Variants in LRBA observed in about 807,000 individuals in gnomAD.
LRBA encodes the protein lipopolysaccharide-responsive and beige-like anchor protein.
A neutral mutation model predicts 330.0 loss-of-function variants in LRBA; 176 were observed. The ratio of observed to expected loss-of-function variants is 0.53; its 90% CI spans 0.47 to 0.60. The LOEUF (loss-of-function observed/expected upper bound fraction) is 0.60. Among genes scored for constraint, LRBA ranks in the 20% least tolerant of loss-of-function variants. LRBA has a pLI of 0.00. For synonymous variants in LRBA, 1,230 were observed against 1,193.0 expected, an observed-to-expected ratio of 1.03 and a Z score of -0.64; for missense variants, 3,259 against 3,444.8, an observed-to-expected ratio of 0.95 and a Z score of 1.35.
At chr4:150,589,682 T>C in intron 39 of LRBA, among the ~76,000 whole-genome samples, 1 of 152,152 alleles carries the variant, frequency 6.6e-6, no homozygotes, top group East Asian at 1.9e-4. Flanking sequence ...ACCACTTTAT[T>C]AGTGTGGATT....
At chr4:150,985,044 G>A (rs893823159) in intron 2 of LRBA, among the ~76,000 whole-genome samples, 4 of 152,098 alleles carry the variant, frequency 2.6e-5, no homozygotes, top group African/African-American at 7.2e-5. Flanking sequence ...GATCACCTAA[G>A]GTAGGGAGTT....
chr4:150,897,937 C>A, intron 14 of LRBA, 119 bp from the exon 15 acceptor site: 1 of 675,874 alleles, frequency 1.5e-6, no homozygotes, highest in Non-Finnish European at 2.6e-6. Flanking sequence ...AAAGGTAGGT[C>A]TCCTACAGAA....
At position 150,576,164 on chromosome 4, in the gene LRBA, T is replaced by TAAAA. The variant is rs33976355; in HGVS notation, c.6330+11880_6330+11883dup. On this transcript the variant is annotated intron_variant, in intron 40 of 56. Coordinates refer to ENST00000651943, the MANE Select transcript of LRBA (RefSeq NM_001364905.1). The stretch of plus-strand genomic sequence containing the variant: ...ACATTAATAAGTTCAAACTGGTTTT[T>TAAAA]AAAAAAAAAAAAAGGAGGAGGGGAG... Among the ~76,000 whole-genome samples the TAAAA allele has an allele frequency of 6.3e-5, 9 of 142,830 alleles. No homozygotes were observed. The South Asian group carries it at 6.6e-4, about 10-fold the overall frequency. The allele number at this position is 142,830 out of a possible 152,430, so 93.7% of individuals were successfully genotyped here. A position where few individuals can be genotyped will look rare whatever the true frequency, so the allele number is the denominator to read the frequency against.
chr4:150,702,406 G>A (rs1054554562), intron 36 of LRBA, among the ~76,000 whole-genome samples: 6 of 152,104 alleles, frequency 3.9e-5, no homozygotes, highest in Admixed American at 6.6e-5. Flanking sequence ...AATATTCAAG[G>A]TGTAGTTTCA....
At chr4:150,835,973 C>A (rs1213627750) in intron 28 of LRBA, among the ~76,000 whole-genome samples, 1 of 152,120 alleles carries the variant, frequency 6.6e-6, no homozygotes, top group African/African-American at 2.4e-5. Flanking sequence ...GAGATACGTC[C>A]CATCAATACC....
At chr4:150,735,452 A>G in intron 35 of LRBA, 86 bp from the exon 36 acceptor site, 1 of 852,216 alleles carries the variant, frequency 1.2e-6, no homozygotes, top group African/African-American at 1.7e-5. Context: ...GAGAGGAAGG[A>G]ATACTTACTT....
At chr4:150,858,148 T>C (rs1751444611) in intron 22 of LRBA, among the ~76,000 whole-genome samples, 1 of 152,290 alleles carries the variant, frequency 6.6e-6, no homozygotes, top group Admixed American at 6.5e-5. Flanking sequence ...TATTATTATT[T>C]TAAATTTTTT....
chr4:150,875,913 AT>A (rs1186840933), intron 17 of LRBA, among the ~76,000 whole-genome samples: 1 of 152,208 alleles, frequency 6.6e-6, no homozygotes, highest in Non-Finnish European at 1.5e-5. Context: ...GAATTGACAA[AT>A]AAATAATTCA....
rs1479058713 is a variant in LRBA at position 150,604,702 on chromosome 4, A to G, written c.5922-5571T>C. 2.6e-5 allele frequency among the ~76,000 whole-genome samples: 4 copies of G among 152,092 alleles called. No individual in the cohort carries two copies. In the East Asian group the frequency reaches 7.7e-4, roughly 29 times the overall value. On this transcript the variant is annotated intron_variant, in intron 37 of 56. Transcript: ENST00000651943. ...TCCAGGGGGCACTTTTCACATCAAAATTTTTGTAAATAACATGCCCTGGAG... is the reference window on the plus strand; with the variant it reads ...TCCAGGGGGCACTTTTCACATCAAAGTTTTTGTAAATAACATGCCCTGGAG...
At chr4:150,617,968 A>G (rs934880050) in intron 37 of LRBA, among the ~76,000 whole-genome samples, 4 of 151,924 alleles carry the variant, frequency 2.6e-5, no homozygotes, top group Non-Finnish European at 5.9e-5. Flanking sequence ...GCTGAGTGAG[A>G]TGGTGCGAGC....
chr4:150,724,682 T>C (rs912216691), intron 36 of LRBA, among the ~76,000 whole-genome samples: 1 of 151,692 alleles, frequency 6.6e-6, no homozygotes, highest in African/African-American at 2.4e-5. Context: ...AAATTCAAGA[T>C]AACACAGAGA....
chr4:150,641,228 T>C (rs1289702721), intron 37 of LRBA, among the ~76,000 whole-genome samples: 1 of 152,200 alleles, frequency 6.6e-6, no homozygotes, highest in African/African-American at 2.4e-5. Context: ...AACATTCCCA[T>C]GAATCCTCAA....
chr4:150,507,979 C>G (rs1429730053), intron 40 of LRBA, among the ~76,000 whole-genome samples: 4 of 146,372 alleles, frequency 2.7e-5, no homozygotes, highest in African/African-American at 7.6e-5. Flanking sequence ...TTGCCAAGGA[C>G]AAAAAACCAA....
intron 22 of LRBA, among the ~76,000 whole-genome samples, chr4:150,866,491 T>C (rs1279741681): frequency 6.6e-6 from 1 of 152,172 alleles, no homozygotes; most frequent in Admixed American, 6.6e-5. Flanking sequence ...CCATACCACG[T>C]GATTAGGTGA....
At chr4:150,774,763 C>G (rs1737041401) in intron 34 of LRBA, among the ~76,000 whole-genome samples, 1 of 152,180 alleles carries the variant, frequency 6.6e-6, no homozygotes, top group Non-Finnish European at 1.5e-5. Flanking sequence ...GGGGACCCAG[C>G]TTCCCCTTCC....
intron 35 of LRBA, among the ~76,000 whole-genome samples, chr4:150,736,966 C>CACT (rs1253707448): frequency 7.2e-5 from 11 of 152,144 alleles, no homozygotes; most frequent in Non-Finnish European, 4.4e-5. Context: ...GTAATCCCAG[C>CACT]ACTTTGGGAG....
At chr4:150,689,369 T>G (rs1783912976) in intron 36 of LRBA, among the ~76,000 whole-genome samples, 1 of 152,004 alleles carries the variant, frequency 6.6e-6, no homozygotes, top group South Asian at 2.1e-4. Flanking sequence ...GATGACAGGT[T>G]GATGGGTGCA....
chr4:150,835,631 T>C (rs1301587822), intron 28 of LRBA, among the ~76,000 whole-genome samples: 1 of 152,176 alleles, frequency 6.6e-6, no homozygotes, highest in African/African-American at 2.4e-5. Flanking sequence ...GGAATGTTTG[T>C]GATTTTTGCA....
intron 56 of LRBA, 122 bp from the exon 57 acceptor site, chr4:150,265,934 T>G: frequency 1.5e-6 from 1 of 668,726 alleles, no homozygotes; most frequent in Non-Finnish European, 2.7e-6. Flanking sequence ...CTCCAATTTG[T>G]GGGAACTAAG....
Sources: allele counts gnomAD v4.1 joint callset (sites outside exome capture counted in the v4.1 genomes callset), GRCh38; gene constraint gnomAD v4.1.1; transcripts MANE v1.5; gene names NCBI Gene and HGNC (gene_info 2026-07-23, HGNC 2026-07-21).